The following SPECC1 variants were observed in gnomAD, a reference collection of about 807,000 sequenced individuals.
The protein encoded by SPECC1 is cytospin-B.
Under a neutral mutation model 104.1 loss-of-function variants are expected in SPECC1, and 62 were observed. The observed-to-expected ratio is 0.60, with a 90% confidence interval of 0.49 to 0.74. The LOEUF (loss-of-function observed/expected upper bound fraction) is 0.74, where lower values mean the gene tolerates loss of function less well. Among genes scored for constraint, SPECC1 ranks in the 30% least tolerant of loss-of-function variants. The pLI, the probability that SPECC1 is intolerant of heterozygous loss-of-function variation, is 0.00. For missense variants in SPECC1, 1,306 were observed against 1,310.5 expected (o/e 1.00, Z 0.05); for synonymous variants, 513 against 501.6 (o/e 1.02, Z -0.30).
chr17:20,059,814 A>T (rs2046115980), intron 1 of SPECC1, among the ~76,000 whole-genome samples: 1 of 152,262 alleles, frequency 6.6e-6, no homozygotes, highest in Non-Finnish European at 1.5e-5. Context: ...GTGAGCTCTG[A>T]TCGTGCCACT....
chr17:20,260,248 G>T lies in SPECC1; in HGVS notation c.2894G>T (p.Arg965Leu), dbSNP rs778718188. Residue 965 changes from arginine (R) to leucine (L), a missense_variant, in exon 12 of 15, where the codon CGC becomes CTC. Physicochemically the swap from Arg to Leu is moderately radical, Grantham distance 102 (BLOSUM62 -2). This residue lies in a region of SPECC1 where 129 missense variants were observed against 170.6 expected (regional missense o/e 0.76). Transcript: ENST00000395527. ...GCCCGGGAATACGGTGGTTCCAAGC[G>T]CAATGCTCTACTGAAATGGTGCCAG... ...ALAREYGGSK[R>L]NALLKWCQKK... is the part of the protein sequence containing the mutation. The T allele has an allele frequency of 1.2e-6, 2 of 1,613,994 alleles. No homozygotes were observed. The highest frequency in any genetic ancestry group is 1.1e-5 in the South Asian group (1 of 91,078).
intron 3 of SPECC1, among the ~76,000 whole-genome samples, chr17:20,165,426 A>C (rs1253307852): frequency 6.6e-6 from 1 of 152,136 alleles, no homozygotes; most frequent in Non-Finnish European, 1.5e-5. Flanking sequence ...CATGGTGTAT[A>C]TGTACCACAT....
At chr17:20,164,169 A>ATT (rs757191309) in intron 3 of SPECC1, among the ~76,000 whole-genome samples, 1,828 of 135,280 alleles carry the variant, frequency 0.014, 36 homozygotes, top group African/African-American at 0.046. Context: ...TTCCCATGTA[A>ATT]TTTTTTTTTT....
intron 11 of SPECC1, among the ~76,000 whole-genome samples, chr17:20,259,066 A>G (rs956563613): frequency 2.0e-5 from 3 of 152,256 alleles, no homozygotes; most frequent in Non-Finnish European, 4.4e-5. Flanking sequence ...TTTAGGAGTA[A>G]TAGCTTTTTA....
chr17:20,216,646 G>A (rs1382627831), intron 4 of SPECC1, among the ~76,000 whole-genome samples: 3 of 152,102 alleles, frequency 2.0e-5, no homozygotes, highest in Non-Finnish European at 2.9e-5. Flanking sequence ...GGCACCTGAT[G>A]GAAAGGAGTG....
At chr17:20,169,210 A>G (rs1471256819) in intron 3 of SPECC1, among the ~76,000 whole-genome samples, 2 of 152,214 alleles carry the variant, frequency 1.3e-5, no homozygotes, top group African/African-American at 4.8e-5. Context: ...TATGAACAAA[A>G]TGTATAAAAC....
chr17:20,294,620 A>C (rs2041281569), intron 12 of SPECC1, among the ~76,000 whole-genome samples: 1 of 150,870 alleles, frequency 6.6e-6, no homozygotes, highest in Admixed American at 6.6e-5. Flanking sequence ...TTATGAAGGT[A>C]ATGACGACGG....
chr17:20,051,082 TTCTTTCTTTCTTTCTTTC>T (rs1567813326), intron 1 of SPECC1, among the ~76,000 whole-genome samples: 2 of 73,780 alleles, frequency 2.7e-5, no homozygotes, highest in Admixed American at 2.7e-4. Flanking sequence ...CTTTCTTTCT[TTCTTTCTTTCTTTCTTTC>T]TTTCTTTCTT....
At chr17:20,289,018 C>T (rs991792368) in intron 12 of SPECC1, among the ~76,000 whole-genome samples, 1 of 151,952 alleles carries the variant, frequency 6.6e-6, no homozygotes, top group African/African-American at 2.4e-5. Flanking sequence ...CTCCTGACCT[C>T]GTGATCCACC....
chr17:20,054,512 CTGTG>C (rs1242410445), intron 1 of SPECC1, among the ~76,000 whole-genome samples: 2 of 152,122 alleles, frequency 1.3e-5, no homozygotes, highest in Non-Finnish European at 1.5e-5. Flanking sequence ...CAGGGGATAC[CTGTG>C]TAATTGCTGT....
chr17:20,241,378 C>A (rs2039194005), intron 7 of SPECC1, among the ~76,000 whole-genome samples: 2 of 152,150 alleles, frequency 1.3e-5, no homozygotes, highest in African/African-American at 4.8e-5. Context: ...GATGTAAATT[C>A]TTCTTGTTCC....
At chr17:20,156,357 G>C in intron 3 of SPECC1, 9 of 1,118,492 alleles carry the variant, frequency 8.0e-6, no homozygotes, top group Non-Finnish European at 1.0e-5. Context: ...AAGGTCCTGG[G>C]GTGTGATTCT....
intron 3 of SPECC1, among the ~76,000 whole-genome samples, chr17:20,156,506 C>T (rs1256768146): frequency 2.0e-5 from 3 of 152,100 alleles, no homozygotes. Context: ...GCGGGGTTCC[C>T]CACTCCGCGC....
intron 12 of SPECC1, among the ~76,000 whole-genome samples, chr17:20,269,600 C>G (rs2040330774): frequency 6.6e-6 from 1 of 152,312 alleles, no homozygotes; most frequent in Non-Finnish European, 1.5e-5. Context: ...TCTCAAACTC[C>G]CGACCTCAGG....
At chr17:20,191,487 CT>C (rs57417459) in intron 3 of SPECC1, among the ~76,000 whole-genome samples, 2,790 of 128,338 alleles carry the variant, frequency 0.022, 66 homozygotes, top group Admixed American at 0.058. Flanking sequence ...TGTGGAGCAG[CT>C]TTTTTTTTTT....
intron 3 of SPECC1, among the ~76,000 whole-genome samples, chr17:20,118,393 A>T (rs1267956054): frequency 1.3e-5 from 2 of 152,220 alleles, no homozygotes; most frequent in East Asian, 3.8e-4. Context: ...TATTTATAAT[A>T]GTATAATATG....
chr17:20,256,014 A>C (rs2039816146), intron 10 of SPECC1, among the ~76,000 whole-genome samples: 1 of 152,016 alleles, frequency 6.6e-6, no homozygotes, highest in Non-Finnish European at 1.5e-5. Context: ...AGTAGCTGGG[A>C]CTACAGGCGC....
intron 3 of SPECC1, among the ~76,000 whole-genome samples, chr17:20,167,684 C>G (rs1345888530): frequency 6.6e-6 from 1 of 151,992 alleles, no homozygotes; most frequent in East Asian, 1.9e-4. Flanking sequence ...GTCTCAAAAA[C>G]AAAAAGAAAA....
intron 1 of SPECC1, among the ~76,000 whole-genome samples, chr17:20,012,128 G>C (rs1004512991): frequency 3.9e-5 from 6 of 151,930 alleles, no homozygotes; most frequent in Non-Finnish European, 8.8e-5. Flanking sequence ...TAGCTGGAAG[G>C]TTTTTAGGAT....
Sources: gnomAD v4.1 joint callset for allele counts (sites outside exome capture counted in the v4.1 genomes callset) on GRCh38, gnomAD v4.1.1 for gene constraint, gnomAD v4.1.1 regional missense constraint, MANE v1.5 for transcripts, NCBI Gene and HGNC (gene_info 2026-07-23, HGNC 2026-07-21) for gene names.